The following ANKS6 variants were observed in gnomAD, a reference collection of about 807,000 sequenced individuals.
ANKS6 encodes ankyrin repeat and sterile alpha motif domain containing 6, also known as ankyrin repeat and SAM domain-containing protein 6.
ANKS6 carries 47 observed loss-of-function variants against 77.9 expected under a neutral mutation model. The ratio of observed to expected loss-of-function variants is 0.60; its 90% CI spans 0.48 to 0.77. The LOEUF (loss-of-function observed/expected upper bound fraction) is 0.77. ANKS6 is among the 30% of genes least tolerant of loss of function. ANKS6 has a pLI of 0.00. For missense variants in ANKS6, 1,150 were observed against 1,159.1 expected, an observed-to-expected ratio of 0.99 and a Z score of 0.11; for synonymous variants, 488 against 501.7, an observed-to-expected ratio of 0.97 and a Z score of 0.37.
intron 14 of ANKS6, among the ~76,000 whole-genome samples, chr9:98,745,137 G>A (rs1483258216): frequency 2.0e-5 from 3 of 152,216 alleles, no homozygotes; most frequent in African/African-American, 7.2e-5. Flanking sequence ...TGTGCCAGGA[G>A]CTCTGCTGAG....
At chr9:98,752,108 A>T (rs1166276187) in intron 12 of ANKS6, among the ~76,000 whole-genome samples, 1 of 152,128 alleles carries the variant, frequency 6.6e-6, no homozygotes. Flanking sequence ...AAACAAACAA[A>T]CAAACAAACA....
In ANKS6 at chr9:98,796,257, T is replaced by C. The variant is rs889007781; in HGVS notation, c.235A>G (p.Asn79Asp). Reference sequence around the variant, plus strand: ...GCCGCGGCGAACTGCAGTGCGGTGTTGCCCGCCTCGTCCGAGCAATCCACG... The same window carrying C: ...GCCGCGGCGAACTGCAGTGCGGTGTCGCCCGCCTCGTCCGAGCAATCCACG... ...VPVDCSDEAG[N>D]TALQFAAAGG... Residue 79 changes from asparagine to aspartate, a missense_variant, in exon 1 of 15, where the codon AAC becomes GAC. Physicochemically the swap from Asn to Asp is conservative, Grantham distance 23. Coordinates refer to ENST00000353234, the MANE Select transcript of ANKS6 (RefSeq NM_173551.5). 9 of 1,374,312 alleles carry C rather than the reference T, an allele frequency of 6.5e-6. No individual in the cohort carries two copies. In the Admixed American group the frequency reaches 8.3e-5, roughly 13 times the overall value. The allele number at this position is 1,374,312 out of a possible 1,614,324, so 85.1% of individuals were successfully genotyped here.
rs777531199 is a variant in ANKS6 at position 98,770,949 on chromosome 9, C to A, written c.1919G>T (p.Gly640Val). ...CCGGCTCACACCTACCCCACTGGAG[C>A]CGCCCGATGAATGAGGCGAGTGGTT... Reference protein sequence around the residue: ...NFNHSPHSSGGSSGVGVSRHG... With the variant: ...NFNHSPHSSGVSSGVGVSRHG... Residue 640 changes from glycine to valine, a missense_variant, in exon 10 of 15, where the codon GGC becomes GTC. Transcript: ENST00000353234. The A allele has an allele frequency of 1.3e-6, 2 of 1,594,194 alleles. No individual in the cohort carries two copies. Among genetic ancestry groups the A allele is most frequent in the South Asian group, 2.3e-5 (2 of 87,388 alleles).
chr9:98,781,937 G>C (rs1474982582), intron 5 of ANKS6, among the ~76,000 whole-genome samples: 1 of 152,142 alleles, frequency 6.6e-6, no homozygotes, highest in South Asian at 2.1e-4. Context: ...TCCCAAAAGA[G>C]GGTCTGTCAC....
At chr9:98,756,034 G>A (rs1832679887) in intron 12 of ANKS6, among the ~76,000 whole-genome samples, 1 of 152,110 alleles carries the variant, frequency 6.6e-6, no homozygotes, top group Admixed American at 6.5e-5. Flanking sequence ...CATCATATGA[G>A]CCAATGAAAT....
At position 98,778,346 on chromosome 9, in the gene ANKS6, G is replaced by A. The variant is rs1330782482; in HGVS notation, c.1447C>T (p.Gln483Ter). 1 of 1,614,078 alleles carries A rather than the reference G, an allele frequency of 6.2e-7. No individual in the cohort carries two copies. The highest frequency in any genetic ancestry group is 8.5e-7 in the Non-Finnish European group (1 of 1,180,044). Residue 483 changes from glutamine (Q) to a stop codon, truncating the protein, a stop_gained, in exon 7 of 15, where the codon CAG becomes TAG. Transcript: ENST00000353234. LOFTEE classifies it high-confidence loss of function. Reference protein sequence around the residue: ...QTLPRGLSSNQPLPFSDEPEP... With the variant: ...QTLPRGLSSN The stretch of plus-strand genomic sequence containing the variant: ...GGCTCGTCAGAGAAAGGCAAAGGCT[G>A]GTTGCTGGACAGCCCACGGGGCAGC...
In ANKS6 at chr9:98,734,172, C is replaced by T; in HGVS notation, c.*2347G>A. The T allele has an allele frequency of 1.0e-6, 1 of 985,410 alleles. No individual in the cohort carries two copies. Among genetic ancestry groups the T allele is most frequent in the Non-Finnish European group, 1.2e-6 (1 of 829,968 alleles). 61.0% of individuals were successfully genotyped at this position (985,410 alleles called of 1,614,324 possible). On this transcript the variant is annotated 3_prime_UTR_variant, in exon 15 of 15. Coordinates refer to ENST00000353234, the MANE Select transcript of ANKS6 (RefSeq NM_173551.5). Reference sequence around the variant, plus strand: ...GCCAGGGACCTCTTGTGAACCAGCACACAAACTTCCTAGGATGAAAAGCCT... The same window carrying T: ...GCCAGGGACCTCTTGTGAACCAGCATACAAACTTCCTAGGATGAAAAGCCT...
Position 98,732,779 on chromosome 9 carries a change from T to A in ANKS6, c.*3740A>T. 1.4e-6 allele frequency: 2 copies of A among 1,385,120 alleles called. No individual in the cohort carries two copies. The highest frequency in any genetic ancestry group is 1.9e-6 in the Non-Finnish European group (2 of 1,071,018). 85.8% of individuals were successfully genotyped at this position (1,385,120 alleles called of 1,614,324 possible). ...TCAACATCACGCAGCACTAGGTCTA[T>A]GTCCAGTGCTCTTTCCAGGGTAACA... On this transcript the variant is annotated 3_prime_UTR_variant, in exon 15 of 15. Transcript: ENST00000353234.
rs895136640 is a variant in ANKS6 at position 98,732,280 on chromosome 9, C to G, written c.*4239G>C. 1.2e-5 allele frequency: 7 copies of G among 608,318 alleles called. No homozygotes were observed. Among genetic ancestry groups the G allele is most frequent in the Non-Finnish European group, 2.0e-5 (7 of 350,712 alleles). The allele number at this position is 608,318 out of a possible 1,614,324, so 37.7% of individuals were successfully genotyped here. On this transcript the variant is annotated 3_prime_UTR_variant, in exon 15 of 15. Transcript: ENST00000353234. Reference sequence around the variant, plus strand: ...GTCCAGCCTCCGGCCTGGCCCATGTCTTCAGGCAGCTCTGAGGCAAGAATA... The same window carrying G: ...GTCCAGCCTCCGGCCTGGCCCATGTGTTCAGGCAGCTCTGAGGCAAGAATA...
chr9:98,783,187 A>G (rs1466101904), intron 4 of ANKS6, among the ~76,000 whole-genome samples: 2 of 151,862 alleles, frequency 1.3e-5, no homozygotes, highest in Admixed American at 1.3e-4. Context: ...AAAATCACTG[A>G]CCCCATGGAG....
intron 14 of ANKS6, among the ~76,000 whole-genome samples, chr9:98,737,201 C>T (rs1298475161): frequency 6.6e-6 from 1 of 152,176 alleles, no homozygotes; most frequent in African/African-American, 2.4e-5. Context: ...ATCATCACTG[C>T]ATTCCAGGCT....
At position 98,784,845 on chromosome 9, in the gene ANKS6, A is replaced by G. The variant is rs1293702910; in HGVS notation, c.894T>C (p.His298=). The G allele has an allele frequency of 6.2e-7, 1 of 1,613,254 alleles. No individual in the cohort carries two copies. The highest frequency in any genetic ancestry group is 2.2e-5 in the East Asian group (1 of 44,900). The change falls in exon 3 of 15, where the codon CAT becomes CAC. Residue 298 remains histidine (H), a synonymous_variant. Coordinates refer to ENST00000353234, the MANE Select transcript of ANKS6 (RefSeq NM_173551.5). ...TAAAGCGCTTACCCATTTTCAATGC[A>G]TGGAAAATATCAGGTCGCCTTTTCT... ...DEEKRRPDIF[H]ALKMGNFQLV... is the part of the protein sequence containing the mutation.
chr9:98,768,398 G>T, intron 10 of ANKS6, 148 bp from the exon 11 acceptor site: 1 of 926,832 alleles, frequency 1.1e-6, no homozygotes, highest in Non-Finnish European at 1.6e-6. Flanking sequence ...GACCACAGGA[G>T]AATTCTGCAG....
rs747669510 is a variant in ANKS6, at chr9:98,790,416, C to T, written c.550G>A (p.Gly184Ser). The part of the protein sequence containing the change: ...HPSGEQLGLG[G>S]SRDEPLDITA... Reference sequence around the variant, plus strand: ...ATGTCCAAGGGCTCATCCCTGCTGCCGCCCAACCCCAGTTGCTCGCCTGAA... The same window carrying T: ...ATGTCCAAGGGCTCATCCCTGCTGCTGCCCAACCCCAGTTGCTCGCCTGAA... Residue 184 changes from glycine (G) to serine (S), a missense_variant, in exon 2 of 15, where the codon GGC becomes AGC. Transcript: ENST00000353234. 1.9e-5 allele frequency: 31 copies of T among 1,613,668 alleles called. 1 individual carries two copies. In the Middle Eastern group the frequency reaches 2.0e-3, roughly 103 times the overall value.
rs776777361 is a variant in ANKS6, at chr9:98,778,367, G to A, written c.1426C>T (p.Pro476Ser). The A allele has an allele frequency of 1.2e-6, 2 of 1,614,074 alleles. No homozygotes were observed. The highest frequency in any genetic ancestry group is 3.3e-5 in the Admixed American group (2 of 60,010). Reference protein sequence around the residue: ...FRKLKLMQTLPRGLSSNQPLP... With the variant: ...FRKLKLMQTLSRGLSSNQPLP... ...GGCTGGTTGCTGGACAGCCCACGGGGCAGCGTCTGCATCAGTTTGAGCTTT... is the reference window on the plus strand; with the variant it reads ...GGCTGGTTGCTGGACAGCCCACGGGACAGCGTCTGCATCAGTTTGAGCTTT... Residue 476 changes from proline (P) to serine (S), a missense_variant, in exon 7 of 15, where the codon CCC becomes TCC. Coordinates refer to ENST00000353234, the MANE Select transcript of ANKS6 (RefSeq NM_173551.5).
chr9:98,775,111 C>G (rs1002211250), intron 8 of ANKS6, among the ~76,000 whole-genome samples: 1 of 152,262 alleles, frequency 6.6e-6, no homozygotes, highest in Non-Finnish European at 1.5e-5. Context: ...TAGACCACAA[C>G]AAGCTCATCC....
In ANKS6 at chr9:98,756,523, G is replaced by A. The variant is rs374102165; in HGVS notation, c.2223C>T (p.Pro741=). ...KSTSPTLTPS[P]SPKGHTAESS... ...ACTCTGCAGTGTGCCCTTTGGGTGA[G>A]GGGGAGGGCGTGAGGGTTGGAGAGG... The change falls in exon 12 of 15, where the codon CCC becomes CCT. Residue 741 remains proline (P), a synonymous_variant. Transcript: ENST00000353234. 6.2e-7 allele frequency: 1 copy of A among 1,607,066 alleles called. No individual in the cohort carries two copies. Among genetic ancestry groups the A allele is most frequent in the African/African-American group, 1.3e-5 (1 of 74,540 alleles).
At chr9:98,786,297 T>G in intron 2 of ANKS6, among the ~76,000 whole-genome samples, 1 of 143,198 alleles carries the variant, frequency 7.0e-6, no homozygotes, top group East Asian at 2.0e-4. Context: ...AGAATTGTTT[T>G]TTTTTTTTTT....
chr9:98,732,036 TAGGGAAA>T lies in ANKS6; in HGVS notation c.*4476_*4482del, dbSNP rs1388630651. The T allele has an allele frequency of 3.6e-5, 6 of 167,752 alleles. No individual in the cohort carries two copies. The highest frequency in any genetic ancestry group is 5.2e-5 in the Non-Finnish European group (4 of 76,936). The allele number at this position is 167,752 out of a possible 1,614,324, so 10.4% of individuals were successfully genotyped here. On this transcript the variant is annotated 3_prime_UTR_variant, in exon 15 of 15. Coordinates refer to ENST00000353234, the MANE Select transcript of ANKS6 (RefSeq NM_173551.5). ...CTGCAAAATCTGTTATCAGCTTTAT[TAGGGAAA>T]ACATCAGGTCTCTTTACACGTTGAA...
Sources: allele counts gnomAD v4.1 joint callset (sites outside exome capture counted in the v4.1 genomes callset), GRCh38; gene constraint gnomAD v4.1.1; transcripts MANE v1.5; gene names NCBI Gene and HGNC (gene_info 2026-07-23, HGNC 2026-07-21).